RANBP2: variants seen among roughly 807,000 people sequenced by gnomAD.
RANBP2 encodes the protein RAN binding protein 2, also known as E3 SUMO-protein ligase RanBP2.
In RANBP2, 57 loss-of-function variants were observed where a neutral mutation model predicts 303.6. That is an observed-to-expected ratio of 0.19 (90% CI 0.15 to 0.23). The LOEUF is 0.23. RANBP2 is among the 10% of genes least tolerant of loss of function. RANBP2 has a pLI of 1.00. For synonymous variants in RANBP2, 1,167 were observed against 1,301.5 expected, an observed-to-expected ratio of 0.90 and a Z score of 2.23; for missense variants, 3,138 against 3,780.8, an observed-to-expected ratio of 0.83 and a Z score of 4.46.
the RANBP2 span, among the ~76,000 whole-genome samples, chr2:108,937,447 ATGTG>A: frequency 6.6e-6 from 1 of 151,912 alleles, no homozygotes; most frequent in Admixed American, 6.6e-5. Context: ...ATATGTGAGG[ATGTG>A]TGTATGCATG....
At chr2:109,392,508 GCTT>G in the RANBP2 span, among the ~76,000 whole-genome samples, 2 of 151,930 alleles carry the variant, frequency 1.3e-5, no homozygotes, top group East Asian at 1.9e-4. Context: ...CAGGCCCCTT[GCTT>G]CTTCTTTTTT....
chr2:109,172,127 C>T, the RANBP2 span, among the ~76,000 whole-genome samples: 3 of 152,172 alleles, frequency 2.0e-5, no homozygotes, highest in Non-Finnish European at 4.4e-5. Context: ...TGGGGCAGAG[C>T]GGGTGGGGAG....
At chr2:109,585,716 C>T in the RANBP2 span, 34 of 1,592,466 alleles carry the variant, frequency 2.1e-5, no homozygotes, top group Admixed American at 1.3e-4. Flanking sequence ...GTAGGTGGCA[C>T]GTACCCACAC....
At chr2:109,291,515 G>A in the RANBP2 span, among the ~76,000 whole-genome samples, 2 of 152,204 alleles carry the variant, frequency 1.3e-5, no homozygotes, top group African/African-American at 4.8e-5. Context: ...GCGGAGGAGC[G>A]CTTGTGAGAT....
chr2:108,785,507 A>G lies in RANBP2; in HGVS notation c.*1606A>G, dbSNP rs1678559266. 6.6e-6 allele frequency: 1 copy of G among 152,234 alleles called. No homozygotes were observed. Among genetic ancestry groups the G allele is most frequent in the Non-Finnish European group, 1.5e-5 (1 of 68,034 alleles). 9.4% of individuals were successfully genotyped at this position (152,234 alleles called of 1,614,324 possible). ...TTTAAGAGACTTTTTACAGATTTGT[A>G]TGCTTTCCTAAAGCACTAAAGTTAC... On this transcript the variant is annotated 3_prime_UTR_variant, in exon 29 of 29. Transcript: ENST00000283195.
chr2:109,300,796 G>A, the RANBP2 span, among the ~76,000 whole-genome samples: 3 of 152,192 alleles, frequency 2.0e-5, no homozygotes, highest in Non-Finnish European at 4.4e-5. Context: ...AGAAGTGAGT[G>A]TCATCACCTA....
the RANBP2 span, among the ~76,000 whole-genome samples, chr2:109,620,494 G>A: frequency 6.6e-6 from 1 of 152,330 alleles, no homozygotes; most frequent in South Asian, 2.1e-4. Flanking sequence ...CTGAGGTCAG[G>A]AGTTCAAGAC....
the RANBP2 span, among the ~76,000 whole-genome samples, chr2:109,660,165 T>C: frequency 3.3e-5 from 5 of 152,332 alleles, no homozygotes; most frequent in South Asian, 1.0e-3. Context: ...GGAACGTTCC[T>C]CTGATTTTTC....
the RANBP2 span, among the ~76,000 whole-genome samples, chr2:109,103,243 T>C: frequency 1.3e-5 from 2 of 152,200 alleles, no homozygotes; most frequent in Non-Finnish European, 2.9e-5. Flanking sequence ...ATGAAAACAG[T>C]TGAACTCTGT....
chr2:109,764,218 C>T, the RANBP2 span, among the ~76,000 whole-genome samples: 1 of 149,744 alleles, frequency 6.7e-6, no homozygotes, highest in African/African-American at 2.5e-5. Flanking sequence ...GTTCATTCAG[C>T]ACCCGACACT....
chr2:108,896,900 A>G, the RANBP2 span: 1 of 1,609,516 alleles, frequency 6.2e-7, no homozygotes, highest in Non-Finnish European at 8.5e-7. Flanking sequence ...GCCCACAGGC[A>G]TGCTTTTCAG....
chr2:109,367,872 T>C, the RANBP2 span, among the ~76,000 whole-genome samples: 2 of 152,208 alleles, frequency 1.3e-5, no homozygotes, highest in African/African-American at 4.8e-5. Flanking sequence ...TGATATTTGA[T>C]AGGAATCACC....
chr2:109,643,590 T>C, the RANBP2 span, among the ~76,000 whole-genome samples: 2 of 151,544 alleles, frequency 1.3e-5, no homozygotes, highest in South Asian at 4.2e-4. Context: ...TGAAACCCCA[T>C]CTCTACTAAA....
the RANBP2 span, among the ~76,000 whole-genome samples, chr2:108,825,274 T>TTTTG: frequency 3.0e-4 from 45 of 151,386 alleles, no homozygotes; most frequent in Non-Finnish European, 3.2e-4. Context: ...GTGGTGGGTT[T>TTTTG]TTTGTTTGTT....
At chr2:108,877,202 T>G in the RANBP2 span, among the ~76,000 whole-genome samples, 3 of 152,114 alleles carry the variant, frequency 2.0e-5, no homozygotes, top group Non-Finnish European at 4.4e-5. Flanking sequence ...GCGCGGTGGC[T>G]TACGCCTGTA....
At chr2:109,306,523 C>T in the RANBP2 span, among the ~76,000 whole-genome samples, 9 of 152,214 alleles carry the variant, frequency 5.9e-5, no homozygotes, top group Admixed American at 2.6e-4. Flanking sequence ...TGTACATCTC[C>T]GACCTGCCCT....
chr2:109,246,351 A>G, the RANBP2 span, among the ~76,000 whole-genome samples: 3 of 152,134 alleles, frequency 2.0e-5, no homozygotes, highest in African/African-American at 7.2e-5. Flanking sequence ...GTGTCCTCCC[A>G]TGGTAGAGGG....
At chr2:109,471,926 C>A in the RANBP2 span, among the ~76,000 whole-genome samples, 1 of 152,188 alleles carries the variant, frequency 6.6e-6, no homozygotes, top group African/African-American at 2.4e-5. Flanking sequence ...GTGTGAACAG[C>A]AGTTCATGTA....
At chr2:109,366,340 T>C in the RANBP2 span, among the ~76,000 whole-genome samples, 1 of 152,226 alleles carries the variant, frequency 6.6e-6, no homozygotes, top group Admixed American at 6.5e-5. Context: ...GGAATGTCTC[T>C]GTGTAGTTAG....
Sources: gnomAD v4.1 joint callset for allele counts (sites outside exome capture counted in the v4.1 genomes callset) on GRCh38, gnomAD v4.1.1 for gene constraint, MANE v1.5 for transcripts, NCBI Gene and HGNC (gene_info 2026-07-23, HGNC 2026-07-21) for gene names.